CDH12: variants seen among roughly 807,000 people sequenced by gnomAD.
CDH12 encodes the protein cadherin-12.
A neutral mutation model predicts 74.1 loss-of-function variants in CDH12; 41 were observed. The ratio of observed to expected loss-of-function variants is 0.55; its 90% CI spans 0.43 to 0.72. CDH12 has a LOEUF of 0.72. Ranked by LOEUF, CDH12 falls within the 30% of genes least tolerant of loss-of-function variation. CDH12 has a pLI of 0.00. For missense variants in CDH12, 945 were observed against 977.2 expected, an observed-to-expected ratio of 0.97 and a Z score of 0.44; for synonymous variants, 399 against 355.0, an observed-to-expected ratio of 1.12 and a Z score of -1.39.
chr5:22,698,037 C>T (rs1362238544), intron 1 of CDH12, among the ~76,000 whole-genome samples: 1 of 151,200 alleles, frequency 6.6e-6, no homozygotes, highest in Non-Finnish European at 1.5e-5. Flanking sequence ...TTATAGCAGC[C>T]TGAGCTAATA....
chr5:21,882,919 G>T, intron 6 of CDH12: 1 of 1,604,650 alleles, frequency 6.2e-7, no homozygotes, highest in South Asian at 1.1e-5. Flanking sequence ...GAAGAATCTG[G>T]GGATGGCACT....
chr5:22,372,250 G>T (rs957667257), intron 3 of CDH12, among the ~76,000 whole-genome samples: 2 of 152,090 alleles, frequency 1.3e-5, no homozygotes, highest in African/African-American at 4.8e-5. Context: ...ACATTGGATA[G>T]ATCATCTAAG....
intron 1 of CDH12, among the ~76,000 whole-genome samples, chr5:22,610,361 G>A (rs72637719): frequency 0.066 from 9,994 of 152,134 alleles, 439 homozygotes; most frequent in East Asian, 0.24. Context: ...TAATATTTAG[G>A]AAGTTTAGCA....
At chr5:22,299,134 G>T (rs1737754940) in intron 3 of CDH12, among the ~76,000 whole-genome samples, 1 of 152,112 alleles carries the variant, frequency 6.6e-6, no homozygotes, top group African/African-American at 2.4e-5. Context: ...TCTGAGAAAA[G>T]AGCATTTAGG....
At chr5:21,832,971 T>C (rs1265977093) in intron 8 of CDH12, among the ~76,000 whole-genome samples, 6 of 93,464 alleles carry the variant, frequency 6.4e-5, no homozygotes, top group Non-Finnish European at 1.2e-4. Context: ...TGATATATGA[T>C]ATAATATATA....
intron 3 of CDH12, among the ~76,000 whole-genome samples, chr5:22,295,160 A>G (rs1737567943): frequency 1.3e-5 from 2 of 152,092 alleles, no homozygotes; most frequent in African/African-American, 4.8e-5. Context: ...CCCTATTGCA[A>G]TAGTCTTGAG....
At chr5:22,681,988 T>C (rs981221465) in intron 1 of CDH12, among the ~76,000 whole-genome samples, 2 of 152,034 alleles carry the variant, frequency 1.3e-5, no homozygotes, top group African/African-American at 4.8e-5. Context: ...TCTAAGCATA[T>C]ACATTCATGG....
intron 4 of CDH12, among the ~76,000 whole-genome samples, chr5:22,160,028 A>G (rs57415730): frequency 0.091 from 13,887 of 152,154 alleles, 815 homozygotes; most frequent in African/African-American, 0.17. Context: ...TACCAGGCCA[A>G]TGAAAATTAG....
intron 3 of CDH12, among the ~76,000 whole-genome samples, chr5:22,224,881 A>T (rs775157341): frequency 2.2e-4 from 33 of 151,882 alleles, no homozygotes; most frequent in South Asian, 1.2e-3. Flanking sequence ...ATTATATATT[A>T]AAAAAAGTAT....
chr5:22,821,319 C>A (rs1034489296), intron 1 of CDH12, among the ~76,000 whole-genome samples: 5 of 151,994 alleles, frequency 3.3e-5, no homozygotes, highest in Non-Finnish European at 5.9e-5. Flanking sequence ...CTTTGAAAAC[C>A]GGCACAAGAC....
intron 6 of CDH12, among the ~76,000 whole-genome samples, chr5:21,973,900 C>G (rs548272690): frequency 6.6e-6 from 1 of 152,134 alleles, no homozygotes; most frequent in African/African-American, 2.4e-5. Context: ...AACAGGCAAC[C>G]CCAAAAGTGT....
At chr5:22,485,193 T>A (rs2126630969) in intron 2 of CDH12, among the ~76,000 whole-genome samples, 1 of 152,228 alleles carries the variant, frequency 6.6e-6, no homozygotes, top group Admixed American at 6.5e-5. Flanking sequence ...TCTTTTCTTT[T>A]TTTTTAGAGA....
At position 21,819,697 on chromosome 5, in the gene CDH12, T is replaced by C. The variant is rs145574259; in HGVS notation, c.815-2565A>G. Among the ~76,000 whole-genome samples, 1,073 of 152,048 alleles carry C rather than the reference T, an allele frequency of 7.1e-3. 10 individuals carry two copies. The highest frequency in any genetic ancestry group is 0.023 in the African/African-American group (936 of 41,520). On this transcript the variant is annotated intron_variant, in intron 8 of 14. Transcript: ENST00000382254. ...GTAGGAAACTTAGGGGTAAACATTATCAAGGAAATAACTGAACAAGTGTTC... is the reference window on the plus strand; with the variant it reads ...GTAGGAAACTTAGGGGTAAACATTACCAAGGAAATAACTGAACAAGTGTTC...
rs191961637 is a variant in CDH12 at position 22,218,836 on chromosome 5, A to G, written c.-332-6193T>C. Among the ~76,000 whole-genome samples, 410 of 151,834 alleles carry G rather than the reference A, an allele frequency of 2.7e-3. 3 individuals carry two copies. Among genetic ancestry groups the G allele is most frequent in the Non-Finnish European group, 4.0e-3 (269 of 67,696 alleles). ...ATAACAGATTATGTCCATAATAACA[A>G]TCTATATGCCTTTAATTCTGATTTC... On this transcript the variant is annotated intron_variant, in intron 3 of 14. Transcript: ENST00000382254.
intron 11 of CDH12, among the ~76,000 whole-genome samples, chr5:21,782,450 G>T (rs1211047913): frequency 6.6e-6 from 1 of 152,192 alleles, no homozygotes; most frequent in Non-Finnish European, 1.5e-5. Context: ...TTCCCACTGA[G>T]TTGGACTGAT....
chr5:21,788,168 TGAAA>T (rs1444242578), intron 10 of CDH12, among the ~76,000 whole-genome samples: 1 of 152,118 alleles, frequency 6.6e-6, no homozygotes, highest in Non-Finnish European at 1.5e-5. Context: ...TTTCAATGCC[TGAAA>T]GAGAGATAGT....
intron 1 of CDH12, among the ~76,000 whole-genome samples, chr5:22,708,960 C>T (rs1743159431): frequency 6.6e-6 from 1 of 152,160 alleles, no homozygotes; most frequent in South Asian, 2.1e-4. Context: ...AAGGGGCTTG[C>T]ACTCCTGACA....
intron 4 of CDH12, among the ~76,000 whole-genome samples, chr5:22,149,847 T>C (rs1180918075): frequency 6.6e-6 from 1 of 151,908 alleles, no homozygotes; most frequent in East Asian, 1.9e-4. Flanking sequence ...ATACAAAAAT[T>C]AGCCAGGCAT....
chr5:21,813,630 A>G (rs1747877534), intron 9 of CDH12, among the ~76,000 whole-genome samples: 1 of 152,168 alleles, frequency 6.6e-6, no homozygotes, highest in African/African-American at 2.4e-5. Flanking sequence ...TCTCTGGCCA[A>G]GGCCCTCTTC....
Sources: allele counts gnomAD v4.1 joint callset (sites outside exome capture counted in the v4.1 genomes callset), GRCh38; gene constraint gnomAD v4.1.1; transcripts MANE v1.5; gene names NCBI Gene and HGNC (gene_info 2026-07-23, HGNC 2026-07-21).